Variants in SLC35D2 observed in about 807,000 individuals in gnomAD.
SLC35D2 encodes the protein solute carrier family 35 member D2.
In SLC35D2, 43 loss-of-function variants were observed where a neutral mutation model predicts 41.8. That is an observed-to-expected ratio of 1.03 (90% CI 0.81 to 1.33). The LOEUF (loss-of-function observed/expected upper bound fraction) is 1.33, where lower values mean the gene tolerates loss of function less well. SLC35D2 is among the 40% of genes most tolerant of loss of function. SLC35D2 has a pLI of 0.00. For synonymous variants in SLC35D2, 150 were observed against 163.9 expected (o/e 0.92, Z 0.65); for missense variants, 380 against 408.4 (o/e 0.93, Z 0.60).
At chr9:96,326,983 G>A (rs1828565084) in intron 9 of SLC35D2, among the ~76,000 whole-genome samples, 1 of 152,068 alleles carries the variant, frequency 6.6e-6, no homozygotes, top group Admixed American at 6.5e-5. Flanking sequence ...GCTGTCAGAG[G>A]GGACCATCCC....
rs187883772 is a variant in SLC35D2 at position 96,325,112 on chromosome 9, A to G, written c.753-943T>C. 9.8e-5 allele frequency among the ~76,000 whole-genome samples: 15 copies of G among 152,330 alleles called. No homozygotes were observed. The East Asian group carries it at 2.9e-3, about 29-fold the overall frequency. On this transcript the variant is annotated intron_variant, in intron 9 of 11. Coordinates refer to ENST00000253270, the MANE Select transcript of SLC35D2 (RefSeq NM_007001.3). The stretch of plus-strand genomic sequence containing the variant: ...ACCAAAGTTAACTCAGGCACTTAAC[A>G]TGACCGTAGGTATTGATACTTACTT...
chr9:96,356,382 C>CTTTTTTTTTTTT (rs199569097), intron 4 of SLC35D2, among the ~76,000 whole-genome samples: 2 of 101,420 alleles, frequency 2.0e-5, no homozygotes, highest in African/African-American at 3.5e-5. Context: ...TTTATTTATT[C>CTTTTTTTTTTTT]TTTTTTTTTT....
intron 8 of SLC35D2, among the ~76,000 whole-genome samples, chr9:96,342,192 C>G (rs1829359383): frequency 6.6e-6 from 1 of 151,924 alleles, no homozygotes; most frequent in Non-Finnish European, 1.5e-5. Flanking sequence ...CTCACTGCAA[C>G]CTCTGCCTCC....
At chr9:96,382,609 C>A (rs112634753) in intron 1 of SLC35D2, among the ~76,000 whole-genome samples, 2,792 of 151,386 alleles carry the variant, frequency 0.018, 78 homozygotes, top group African/African-American at 0.064. Context: ...AAAAGTGAGA[C>A]CCACATAAGC....
At chr9:96,322,257 G>A (rs536731506) in intron 10 of SLC35D2, among the ~76,000 whole-genome samples, 177 bp from the exon 11 acceptor site, 4 of 152,300 alleles carry the variant, frequency 2.6e-5, no homozygotes, top group East Asian at 3.9e-4. Context: ...GATGGCTCAC[G>A]CCTGTAATCC....
Position 96,320,952 on chromosome 9 carries a change from C to T in SLC35D2, c.*290G>A, listed in dbSNP as rs549002584. ...CCCAGCACACAGCACAGAGATGCCACGAAGGCCCCATAGGTCCCTAGAAGA... is the reference window on the plus strand; with the variant it reads ...CCCAGCACACAGCACAGAGATGCCATGAAGGCCCCATAGGTCCCTAGAAGA... On this transcript the variant is annotated 3_prime_UTR_variant, in exon 12 of 12. Transcript: ENST00000253270. 6.9e-5 allele frequency: 20 copies of T among 290,078 alleles called. No homozygotes were observed. The highest frequency in any genetic ancestry group is 3.2e-4 in the East Asian group (4 of 12,462). 18.0% of individuals were successfully genotyped at this position (290,078 alleles called of 1,614,324 possible).
At chr9:96,366,228 G>C (rs1490587122) in intron 2 of SLC35D2, among the ~76,000 whole-genome samples, 1 of 150,618 alleles carries the variant, frequency 6.6e-6, no homozygotes, top group Non-Finnish European at 1.5e-5. Flanking sequence ...CTTGAGCCCA[G>C]GAGGTGAAGG....
chr9:96,376,844 A>T, intron 1 of SLC35D2, among the ~76,000 whole-genome samples: 1 of 151,392 alleles, frequency 6.6e-6, no homozygotes, highest in East Asian at 2.0e-4. Flanking sequence ...TCCTGACCTC[A>T]AGTGATCCAC....
chr9:96,317,854 C>T (rs1323903377), downstream of SLC35D2, among the ~76,000 whole-genome samples: 3 of 142,322 alleles, frequency 2.1e-5, no homozygotes, highest in Non-Finnish European at 4.5e-5. Flanking sequence ...GAAACCCAGT[C>T]GCTACCAAAA....
chr9:96,321,104 C>G lies in SLC35D2; in HGVS notation c.*138G>C. The G allele has an allele frequency of 1.6e-6, 1 of 636,924 alleles. No individual in the cohort carries two copies. The highest frequency in any genetic ancestry group is 2.8e-5 in the Admixed American group (1 of 36,278). 39.5% of individuals were successfully genotyped at this position (636,924 alleles called of 1,614,324 possible). A position where few individuals can be genotyped will look rare whatever the true frequency, so the allele number is the denominator to read the frequency against. ...GGCTCATCCTGCATATGAGGTAGTT[C>G]TCTTTGCATTTTGCAGATGCTCTCA... is the stretch of plus-strand genomic sequence containing the variant. On this transcript the variant is annotated 3_prime_UTR_variant, in exon 12 of 12. Coordinates refer to ENST00000253270, the MANE Select transcript of SLC35D2 (RefSeq NM_007001.3).
At chr9:96,342,772 A>C (rs949530801) in intron 8 of SLC35D2, among the ~76,000 whole-genome samples, 1 of 152,212 alleles carries the variant, frequency 6.6e-6, no homozygotes, top group East Asian at 1.9e-4. Context: ...CAAGTGAGAA[A>C]GTCCAGCTGG....
intron 9 of SLC35D2, among the ~76,000 whole-genome samples, chr9:96,333,528 G>A (rs550211426): frequency 9.2e-4 from 140 of 151,472 alleles, no homozygotes; most frequent in African/African-American, 2.9e-3. Flanking sequence ...TCAGGAGGCG[G>A]TGCGTGCAGT....
At chr9:96,360,364 C>T (rs967205622) in intron 3 of SLC35D2, 143 bp from the exon 4 acceptor site, 2 of 673,640 alleles carry the variant, frequency 3.0e-6, no homozygotes, top group African/African-American at 3.6e-5. Flanking sequence ...GGCGCAGTGG[C>T]TCACGCCTGT....
intron 10 of SLC35D2, among the ~76,000 whole-genome samples, chr9:96,323,483 T>C (rs1374863119): frequency 6.6e-6 from 1 of 152,202 alleles, no homozygotes; most frequent in African/African-American, 2.4e-5. Flanking sequence ...TTGCTAATCA[T>C]TGATACCTGG....
At chr9:96,362,676 ACATT>A (rs1192584865) in intron 3 of SLC35D2, among the ~76,000 whole-genome samples, 5 of 152,106 alleles carry the variant, frequency 3.3e-5, no homozygotes, top group Non-Finnish European at 7.4e-5. Context: ...ATTCAACTAC[ACATT>A]CAAATAGGAT....
chr9:96,383,368 T>G, intron 1 of SLC35D2, 109 bp downstream of exon 1: 1 of 774,316 alleles, frequency 1.3e-6, no homozygotes, highest in Non-Finnish European at 1.8e-6. Flanking sequence ...CAGCTGAGAC[T>G]CGAGGGTCCC....
intron 6 of SLC35D2, among the ~76,000 whole-genome samples, chr9:96,349,387 C>T (rs552668603): frequency 2.5e-4 from 38 of 152,188 alleles, no homozygotes; most frequent in Non-Finnish European, 5.0e-4. Context: ...TGTCCCCATT[C>T]CCTGCCCTCC....
intron 6 of SLC35D2, among the ~76,000 whole-genome samples, chr9:96,346,578 C>T (rs897256470): frequency 2.6e-5 from 4 of 152,164 alleles, no homozygotes; most frequent in South Asian, 2.1e-4. Context: ...CAATCTTTCT[C>T]GGCTCAAAAT....
chr9:96,355,835 A>G (rs1346294549), intron 4 of SLC35D2, among the ~76,000 whole-genome samples: 1 of 152,214 alleles, frequency 6.6e-6, no homozygotes, highest in African/African-American at 2.4e-5. Context: ...AAAGTAATGA[A>G]GACCTAAATA....
Sources: allele counts gnomAD v4.1 joint callset (sites outside exome capture counted in the v4.1 genomes callset), GRCh38; gene constraint gnomAD v4.1.1; transcripts MANE v1.5; gene names NCBI Gene and HGNC (gene_info 2026-07-23, HGNC 2026-07-21).